Variants in VAV3 observed in about 807,000 individuals in gnomAD.
The protein encoded by VAV3 is guanine nucleotide exchange factor VAV3.
Under a neutral mutation model 131.2 loss-of-function variants are expected in VAV3, and 94 were observed. The observed-to-expected ratio is 0.72, with a 90% CI of 0.61 to 0.85. The LOEUF (loss-of-function observed/expected upper bound fraction) is 0.85, where lower values mean the gene tolerates loss of function less well. Ranked by LOEUF, VAV3 falls within the 40% of genes least tolerant of loss-of-function variation. The probability of loss-of-function intolerance (pLI) is 0.00; values close to 1 mark genes in which losing one functional copy is unlikely to be tolerated. For missense variants in VAV3, 939 were observed against 1,002.7 expected, an observed-to-expected ratio of 0.94 and a Z score of 0.86; for synonymous variants, 349 against 342.0, an observed-to-expected ratio of 1.02 and a Z score of -0.22.
chr1:107,710,930 A>G (rs1156319713), intron 15 of VAV3, among the ~76,000 whole-genome samples: 1 of 152,132 alleles, frequency 6.6e-6, no homozygotes, highest in Non-Finnish European at 1.5e-5. Flanking sequence ...GTTTCTTACT[A>G]TGATAAAGAA....
chr1:107,685,382 G>T lies in VAV3; in HGVS notation c.1732-1849C>A, dbSNP rs1356090356. ...ATAGGTTTTGCAGTGAGAATTAAAT[G>T]AGTTAATTTACCTTAAATGCTTGGA... On this transcript the variant is annotated intron_variant, in intron 18 of 26. Coordinates refer to ENST00000370056, the MANE Select transcript of VAV3 (RefSeq NM_006113.5). Among the ~76,000 whole-genome samples the T allele has an allele frequency of 3.3e-5, 5 of 152,308 alleles. No homozygotes were observed. The East Asian group carries it at 9.6e-4, about 29-fold the overall frequency.
At chr1:107,698,461 A>C (rs1407095947) in intron 17 of VAV3, among the ~76,000 whole-genome samples, 2 of 152,224 alleles carry the variant, frequency 1.3e-5, no homozygotes, top group Admixed American at 1.3e-4. Context: ...AAGTATGATA[A>C]GCAAAGCTAT....
At chr1:107,589,470 T>A (rs967920683) in intron 25 of VAV3, among the ~76,000 whole-genome samples, 1 of 152,164 alleles carries the variant, frequency 6.6e-6, no homozygotes, top group African/African-American at 2.4e-5. Context: ...GAGAGGGGCA[T>A]GGGAGGGATT....
intron 1 of VAV3, among the ~76,000 whole-genome samples, chr1:107,881,117 G>A (rs1670754402): frequency 6.6e-6 from 1 of 152,164 alleles, no homozygotes; most frequent in African/African-American, 2.4e-5. Flanking sequence ...CATTTTTGCA[G>A]CTTATAGAAT....
rs187385935 is a variant in VAV3, at chr1:107,861,265, G to A, written c.321+13636C>T. On this transcript the variant is annotated intron_variant, in intron 2 of 26. Coordinates refer to ENST00000370056, the MANE Select transcript of VAV3 (RefSeq NM_006113.5). ...ACTGACCAAATTCCAAGTAAACAAAGCTAAAAATACTTCAACAATTTTTTT... is the reference window on the plus strand; with the variant it reads ...ACTGACCAAATTCCAAGTAAACAAAACTAAAAATACTTCAACAATTTTTTT... Among the ~76,000 whole-genome samples the A allele has an allele frequency of 2.6e-4, 40 of 151,732 alleles. 2 individuals are homozygous for A. In the East Asian group the frequency reaches 5.1e-3, roughly 19 times the overall value.
chr1:107,927,764 A>G (rs1673232596), intron 1 of VAV3, among the ~76,000 whole-genome samples: 1 of 152,150 alleles, frequency 6.6e-6, no homozygotes, highest in South Asian at 2.1e-4. Flanking sequence ...GCCACAGTAC[A>G]ATAGAACACA....
At chr1:107,698,481 T>C (rs369867456) in intron 17 of VAV3, among the ~76,000 whole-genome samples, 89 of 152,254 alleles carry the variant, frequency 5.8e-4, no homozygotes, top group African/African-American at 2.0e-3. Flanking sequence ...TAATGTACAA[T>C]AGGTTAGGTG....
intron 2 of VAV3, among the ~76,000 whole-genome samples, chr1:107,843,379 T>C (rs1337921140): frequency 3.4e-5 from 5 of 147,562 alleles, no homozygotes; most frequent in Non-Finnish European, 7.5e-5. Flanking sequence ...TATATATATA[T>C]ATATATATAT....
chr1:107,582,050 A>C (rs1321392086), intron 25 of VAV3, among the ~76,000 whole-genome samples: 1 of 152,220 alleles, frequency 6.6e-6, no homozygotes, highest in African/African-American at 2.4e-5. Context: ...AGTTGTTAGT[A>C]AGAATATGAG....
chr1:107,956,457 C>CTGAT (rs1674819726), intron 1 of VAV3, among the ~76,000 whole-genome samples: 1 of 152,084 alleles, frequency 6.6e-6, no homozygotes, highest in African/African-American at 2.4e-5. Context: ...GAATTCTAAA[C>CTGAT]TGATAAGCCT....
intron 20 of VAV3, among the ~76,000 whole-genome samples, chr1:107,619,619 A>G (rs1653418395): frequency 6.6e-6 from 1 of 152,198 alleles, no homozygotes; most frequent in Admixed American, 6.5e-5. Context: ...AAGACCTTTG[A>G]GAGTACATAA....
intron 25 of VAV3, among the ~76,000 whole-genome samples, chr1:107,584,810 CT>C (rs2101024162): frequency 6.6e-6 from 1 of 152,192 alleles, no homozygotes; most frequent in South Asian, 2.1e-4. Flanking sequence ...AGTATAAGGT[CT>C]TTCTTATTGC....
intron 2 of VAV3, among the ~76,000 whole-genome samples, chr1:107,818,939 T>C (rs1344225803): frequency 6.6e-6 from 1 of 152,252 alleles, no homozygotes; most frequent in Non-Finnish European, 1.5e-5. Flanking sequence ...AGTCAAAATA[T>C]ATAGTTTTAT....
At chr1:107,671,116 T>A (rs1657758529) in intron 19 of VAV3, among the ~76,000 whole-genome samples, 1 of 152,242 alleles carries the variant, frequency 6.6e-6, no homozygotes, top group Non-Finnish European at 1.5e-5. Flanking sequence ...GAAATATATG[T>A]ACACTTTCAT....
chr1:107,916,223 G>A lies in VAV3; in HGVS notation c.205-41206C>T, dbSNP rs114406372. On this transcript the variant is annotated intron_variant, in intron 1 of 26. Coordinates refer to ENST00000370056, the MANE Select transcript of VAV3 (RefSeq NM_006113.5). ...TATGAAAAGAAGAAAAAAACTTCCT[G>A]GTAAGTTCAAGTGACATCAAATGTG... Among the ~76,000 whole-genome samples the A allele has an allele frequency of 6.7e-3, 1,023 of 152,196 alleles. 9 individuals carry two copies. The highest frequency in any genetic ancestry group is 0.023 in the African/African-American group (969 of 41,526).
At chr1:107,773,369 G>A (rs1388243998) in intron 4 of VAV3, among the ~76,000 whole-genome samples, 1 of 152,158 alleles carries the variant, frequency 6.6e-6, no homozygotes, top group African/African-American at 2.4e-5. Flanking sequence ...GAAGATAGGA[G>A]AGTTAAATTG....
At chr1:107,647,555 G>C (rs939672952) in intron 19 of VAV3, among the ~76,000 whole-genome samples, 1 of 151,878 alleles carries the variant, frequency 6.6e-6, no homozygotes, top group Non-Finnish European at 1.5e-5. Context: ...TCCATCCAGA[G>C]GGAACTTTAA....
intron 1 of VAV3, among the ~76,000 whole-genome samples, chr1:107,887,216 C>CT (rs1349221985): frequency 6.6e-6 from 1 of 152,256 alleles, no homozygotes; most frequent in African/African-American, 2.4e-5. Context: ...GGACTGCGCT[C>CT]TTACCCGCAT....
chr1:107,659,891 C>A (rs769007190), intron 19 of VAV3, among the ~76,000 whole-genome samples: 17 of 152,222 alleles, frequency 1.1e-4, no homozygotes, highest in Non-Finnish European at 2.4e-4. Flanking sequence ...AGACCTTTTC[C>A]ATCCCTCATC....
Sources: gnomAD v4.1 joint callset for allele counts (sites outside exome capture counted in the v4.1 genomes callset) on GRCh38, gnomAD v4.1.1 for gene constraint, MANE v1.5 for transcripts, NCBI Gene and HGNC (gene_info 2026-07-23, HGNC 2026-07-21) for gene names.